PACRG: variants seen among roughly 807,000 people sequenced by gnomAD.
PACRG encodes parkin coregulated.
A neutral mutation model predicts 29.7 loss-of-function variants in PACRG; 29 were observed. The ratio of observed to expected loss-of-function variants is 0.98; its 90% CI spans 0.73 to 1.33. PACRG has a LOEUF of 1.33. Ranked by LOEUF, PACRG falls within the 40% of genes most tolerant of loss-of-function variation. PACRG has a pLI of 0.00. For missense variants in PACRG, 279 were observed against 316.2 expected, an observed-to-expected ratio of 0.88 and a Z score of 0.89; for synonymous variants, 116 against 118.7, an observed-to-expected ratio of 0.98 and a Z score of 0.15.
chr6:163,136,525 A>T (rs1056223198), intron 4 of PACRG, among the ~76,000 whole-genome samples: 1 of 152,318 alleles, frequency 6.6e-6, no homozygotes, highest in Admixed American at 6.5e-5. Context: ...ATCTCCATTA[A>T]TTTAGAATTT....
intron 4 of PACRG, among the ~76,000 whole-genome samples, chr6:163,272,313 A>G (rs768340807): frequency 4.0e-4 from 61 of 152,184 alleles, no homozygotes; most frequent in Admixed American, 2.6e-4. Flanking sequence ...CTGGGATTAC[A>G]GGCGTAAGCC....
intron 1 of PACRG, among the ~76,000 whole-genome samples, chr6:162,753,395 T>C (rs1354168350): frequency 6.6e-6 from 1 of 152,218 alleles, no homozygotes; most frequent in Non-Finnish European, 1.5e-5. Flanking sequence ...TAGCATAGTG[T>C]CCTCCACATT....
chr6:163,001,664 T>A (rs112526175), intron 2 of PACRG, among the ~76,000 whole-genome samples: 1,972 of 152,310 alleles, frequency 0.013, 40 homozygotes, highest in African/African-American at 0.044. Flanking sequence ...TAGGGAATTG[T>A]CTTCACTCTA....
At chr6:163,108,273 G>A (rs185117554) in intron 4 of PACRG, among the ~76,000 whole-genome samples, 20 of 152,076 alleles carry the variant, frequency 1.3e-4, no homozygotes, top group Middle Eastern at 3.4e-3. Context: ...TGCTCCAACC[G>A]TGTAGAAAGT....
chr6:163,070,493 T>A (rs1811940220), intron 3 of PACRG, among the ~76,000 whole-genome samples: 1 of 152,044 alleles, frequency 6.6e-6, no homozygotes, highest in African/African-American at 2.4e-5. Context: ...AATAATGAGT[T>A]ATGAGATAGT....
At chr6:163,108,907 C>A (rs921590628) in intron 4 of PACRG, among the ~76,000 whole-genome samples, 2 of 152,110 alleles carry the variant, frequency 1.3e-5, no homozygotes, top group Non-Finnish European at 2.9e-5. Flanking sequence ...ACAGGATGCA[C>A]AAGAATAATA....
chr6:162,759,701 T>C (rs1163103803), intron 1 of PACRG, among the ~76,000 whole-genome samples: 1 of 152,134 alleles, frequency 6.6e-6, no homozygotes, highest in Non-Finnish European at 1.5e-5. Context: ...TGCTAAGGAA[T>C]CTTAGATGGC....
chr6:162,934,254 C>T (rs1798076033), intron 2 of PACRG, among the ~76,000 whole-genome samples: 1 of 147,582 alleles, frequency 6.8e-6, no homozygotes, highest in African/African-American at 2.6e-5. Context: ...CACAGCGAGA[C>T]TGTCTCAAAA....
At chr6:162,744,796 T>C (rs1376775503) in intron 1 of PACRG, among the ~76,000 whole-genome samples, 1 of 152,212 alleles carries the variant, frequency 6.6e-6, no homozygotes, top group Non-Finnish European at 1.5e-5. Flanking sequence ...GTAATGTTTA[T>C]GGCTTTTGTG....
chr6:163,301,263 G>T (rs911859030), intron 4 of PACRG, among the ~76,000 whole-genome samples: 4 of 152,236 alleles, frequency 2.6e-5, no homozygotes, highest in Admixed American at 2.6e-4. Context: ...GAAGTAAACA[G>T]AGCTACCATC....
intron 2 of PACRG, among the ~76,000 whole-genome samples, chr6:162,859,274 T>G (rs1251867233): frequency 1.3e-5 from 2 of 152,206 alleles, no homozygotes; most frequent in East Asian, 3.9e-4. Flanking sequence ...TAAAAACATC[T>G]AATTATTGGT....
intron 1 of PACRG, among the ~76,000 whole-genome samples, chr6:162,805,017 C>T (rs1436900711): frequency 6.6e-6 from 1 of 152,086 alleles, no homozygotes; most frequent in Non-Finnish European, 1.5e-5. Context: ...GTATTGAATG[C>T]TGTAGGTAAA....
At chr6:163,267,277 C>T (rs1783565401) in intron 4 of PACRG, among the ~76,000 whole-genome samples, 3 of 152,120 alleles carry the variant, frequency 2.0e-5, no homozygotes, top group South Asian at 4.1e-4. Context: ...GACGAGTCCC[C>T]GCCTCTTCCT....
intron 2 of PACRG, among the ~76,000 whole-genome samples, chr6:162,866,045 G>C (rs1792272683): frequency 6.6e-6 from 1 of 152,102 alleles, no homozygotes. Flanking sequence ...GAAAAAATAA[G>C]CTAATAGATG....
intron 1 of PACRG, among the ~76,000 whole-genome samples, chr6:162,748,448 G>A (rs1293877882): frequency 1.3e-5 from 2 of 151,992 alleles, no homozygotes; most frequent in Non-Finnish European, 1.5e-5. Context: ...GACTGAGATC[G>A]GACCACTGCA....
intron 3 of PACRG, among the ~76,000 whole-genome samples, chr6:163,080,056 G>A (rs1196236581): frequency 1.3e-5 from 2 of 151,504 alleles, no homozygotes; most frequent in African/African-American, 4.9e-5. Context: ...CCGCCACCAC[G>A]CCTGGCTAAT....
intron 4 of PACRG, among the ~76,000 whole-genome samples, chr6:163,164,386 A>G (rs1778701963): frequency 6.6e-6 from 1 of 152,100 alleles, no homozygotes; most frequent in South Asian, 2.1e-4. Context: ...CCTCTAAACT[A>G]AGTCCCCAGT....
At chr6:163,117,795 T>TCAC (rs1445955016) in intron 4 of PACRG, among the ~76,000 whole-genome samples, 1 of 150,762 alleles carries the variant, frequency 6.6e-6, no homozygotes, top group Non-Finnish European at 1.5e-5. Context: ...GGAGGCAAGG[T>TCAC]CACTATGTGG....
chr6:162,962,025 T>C (rs1249078502), intron 2 of PACRG, among the ~76,000 whole-genome samples: 11 of 152,170 alleles, frequency 7.2e-5, no homozygotes, highest in Non-Finnish European at 1.6e-4. Context: ...TGTTCCTCCT[T>C]GAATTTCCTT....
Sources: allele counts gnomAD v4.1 joint callset (sites outside exome capture counted in the v4.1 genomes callset), GRCh38; gene constraint gnomAD v4.1.1; transcripts MANE v1.5; gene names NCBI Gene and HGNC (gene_info 2026-07-23, HGNC 2026-07-21).